Variants in ATXN7L1 observed in about 807,000 individuals in gnomAD.
ATXN7L1 encodes the protein ataxin-7-like protein 1.
In ATXN7L1, 15 loss-of-function variants were observed where a neutral mutation model predicts 70.8. The ratio of observed to expected loss-of-function variants is 0.21; its 90% CI spans 0.14 to 0.33. The LOEUF is 0.33. Among genes scored for constraint, ATXN7L1 ranks in the 10% least tolerant of loss-of-function variants. The pLI is 1.00. For missense variants in ATXN7L1, 975 were observed against 1,097.1 expected, an observed-to-expected ratio of 0.89 and a Z score of 1.57; for synonymous variants, 440 against 445.1, an observed-to-expected ratio of 0.99 and a Z score of 0.14.
intron 3 of ATXN7L1, among the ~76,000 whole-genome samples, chr7:105,729,731 C>T (rs1012994601): frequency 7.0e-6 from 1 of 143,422 alleles, no homozygotes; most frequent in African/African-American, 2.7e-5. Context: ...TGCCTGGCAC[C>T]ACTTCTTTTT....
intron 3 of ATXN7L1, among the ~76,000 whole-genome samples, chr7:105,696,478 C>T (rs546183829): frequency 6.6e-6 from 1 of 152,274 alleles, no homozygotes; most frequent in African/African-American, 2.4e-5. Flanking sequence ...CATCCACCCC[C>T]ACTTTTTTTA....
intron 2 of ATXN7L1, among the ~76,000 whole-genome samples, chr7:105,830,850 T>C (rs1585105110): frequency 6.6e-6 from 1 of 152,314 alleles, no homozygotes; most frequent in East Asian, 1.9e-4. Context: ...CAAAGAGTGT[T>C]TCACTTCTGC....
In ATXN7L1 at chr7:105,614,824, T is replaced by G; in HGVS notation, c.1518-8A>C. ...GCCGCAGGAGGGATCTTCCTAAACA[T>G]GAGAGAAGAGTGAAAGAGAATCAGT... On this transcript the variant is annotated splice_region_variant and splice_polypyrimidine_tract_variant and intron_variant, in intron 9 of 11. Transcript: ENST00000419735. This position sits in a 1 kb window ranked among gnomAD's most constrained non-coding sequence, Gnocchi z 4.3. The G allele has an allele frequency of 6.5e-7, 1 of 1,544,352 alleles. No homozygotes were observed. The highest frequency in any genetic ancestry group is 8.8e-7 in the Non-Finnish European group (1 of 1,142,614).
chr7:105,631,145 A>G (rs1191871243), intron 7 of ATXN7L1, among the ~76,000 whole-genome samples: 1 of 152,172 alleles, frequency 6.6e-6, no homozygotes, highest in Non-Finnish European at 1.5e-5. Flanking sequence ...TAATTATTTA[A>G]ATGTATGGTA....
At chr7:105,830,503 G>A (rs1746316385) in intron 2 of ATXN7L1, among the ~76,000 whole-genome samples, 2 of 152,142 alleles carry the variant, frequency 1.3e-5, no homozygotes, top group African/African-American at 2.4e-5. Flanking sequence ...TGTAGGAAAT[G>A]TTATACATAC....
At chr7:105,692,029 C>A (rs187989594) in intron 3 of ATXN7L1, among the ~76,000 whole-genome samples, 1 of 152,174 alleles carries the variant, frequency 6.6e-6, no homozygotes, top group Non-Finnish European at 1.5e-5. Context: ...GTAACAATTA[C>A]GAATAAAAAA....
At chr7:105,768,888 A>C (rs1172959446) in intron 3 of ATXN7L1, among the ~76,000 whole-genome samples, 1 of 152,268 alleles carries the variant, frequency 6.6e-6, no homozygotes, top group African/African-American at 2.4e-5. Context: ...AGAAACTGTA[A>C]ATGTTGGAAG....
At chr7:105,860,690 G>T (rs745600564) in intron 2 of ATXN7L1, among the ~76,000 whole-genome samples, 18 of 152,092 alleles carry the variant, frequency 1.2e-4, no homozygotes, top group Non-Finnish European at 2.4e-4. Flanking sequence ...TGACACTACT[G>T]AACTTTACAC....
At chr7:105,710,413 T>A (rs1301541535) in intron 3 of ATXN7L1, among the ~76,000 whole-genome samples, 1 of 142,848 alleles carries the variant, frequency 7.0e-6, no homozygotes, top group Non-Finnish European at 1.5e-5. Flanking sequence ...TTTTTTTTTT[T>A]TTTTTTTTTT....
intron 3 of ATXN7L1, among the ~76,000 whole-genome samples, chr7:105,713,144 T>C (rs1397630590): frequency 6.6e-6 from 1 of 152,164 alleles, no homozygotes; most frequent in Admixed American, 6.5e-5. Flanking sequence ...TCATCAGATC[T>C]TGTGAGAACT....
chr7:105,652,900 C>A (rs548415644), intron 4 of ATXN7L1, among the ~76,000 whole-genome samples: 4 of 152,238 alleles, frequency 2.6e-5, no homozygotes, highest in Non-Finnish European at 5.9e-5. Flanking sequence ...CCCTCAGGAG[C>A]ACCTTCCCTC....
chr7:105,627,897 T>G (rs1184906839), intron 7 of ATXN7L1, among the ~76,000 whole-genome samples: 1 of 133,242 alleles, frequency 7.5e-6, no homozygotes, highest in African/African-American at 2.9e-5. Flanking sequence ...CAGGCTGGAG[T>G]GCAGTGGCAC....
At chr7:105,868,272 G>A (rs946816049) in intron 2 of ATXN7L1, among the ~76,000 whole-genome samples, 3 of 152,160 alleles carry the variant, frequency 2.0e-5, no homozygotes, top group Admixed American at 2.0e-4. Flanking sequence ...CACTCATCGC[G>A]GTCTACCTGT....
chr7:105,756,118 C>G (rs1363105017), intron 3 of ATXN7L1, among the ~76,000 whole-genome samples: 1 of 152,228 alleles, frequency 6.6e-6, no homozygotes, highest in Non-Finnish European at 1.5e-5. Flanking sequence ...CAATTTCCCC[C>G]TCATTCTTTT....
At chr7:105,776,917 G>A (rs151032825) in intron 3 of ATXN7L1, among the ~76,000 whole-genome samples, 185 of 152,218 alleles carry the variant, frequency 1.2e-3, no homozygotes, top group Non-Finnish European at 4.4e-4. Flanking sequence ...TTATAGGCAC[G>A]TGCCACCATG....
At position 105,808,446 on chromosome 7, in the gene ATXN7L1, T is replaced by C. The variant is rs148635086; in HGVS notation, c.251-19738A>G. Among the ~76,000 whole-genome samples the C allele has an allele frequency of 5.5e-3, 834 of 152,284 alleles. 6 individuals carry two copies. Among genetic ancestry groups the C allele is most frequent in the Non-Finnish European group, 7.9e-3 (540 of 68,022 alleles). On this transcript the variant is annotated intron_variant, in intron 2 of 11. Transcript: ENST00000419735. ...GAATGAGCACTCAGGAAAGCCAACCTGATCAGTGGCACTTTGATAAGATGA... is the reference window on the plus strand; with the variant it reads ...GAATGAGCACTCAGGAAAGCCAACCCGATCAGTGGCACTTTGATAAGATGA...
chr7:105,704,584 CTTTTTTTTTTTT>C (rs11329205), intron 3 of ATXN7L1, among the ~76,000 whole-genome samples: 7 of 89,504 alleles, frequency 7.8e-5, no homozygotes, highest in African/African-American at 2.1e-4. Flanking sequence ...GGTTTTATCT[CTTTTTTTTTTTT>C]TTTTTTTTTT....
At chr7:105,787,299 G>A (rs193003140) in intron 3 of ATXN7L1, among the ~76,000 whole-genome samples, 9 of 152,280 alleles carry the variant, frequency 5.9e-5, no homozygotes, top group East Asian at 1.9e-4. Flanking sequence ...CAAGTAGCCC[G>A]AGGACACAGT....
chr7:105,734,679 G>A (rs760568542), intron 3 of ATXN7L1, among the ~76,000 whole-genome samples: 10 of 150,312 alleles, frequency 6.7e-5, no homozygotes, highest in Non-Finnish European at 1.3e-4. Context: ...AGTTTCTTAC[G>A]TGATGGAGCT....
Sources: gnomAD v4.1 joint callset for allele counts (sites outside exome capture counted in the v4.1 genomes callset) on GRCh38, gnomAD v4.1.1 for gene constraint, Gnocchi (gnomAD v3.1) non-coding constraint, MANE v1.5 for transcripts, NCBI Gene and HGNC (gene_info 2026-07-23, HGNC 2026-07-21) for gene names.